GPR137B: variants seen among roughly 807,000 people sequenced by gnomAD.
The protein encoded by GPR137B is G protein-coupled receptor 137B.
GPR137B carries 42 observed loss-of-function variants against 42.5 expected under a neutral mutation model. That is an observed-to-expected ratio of 0.99 (90% CI 0.77 to 1.28). The LOEUF is 1.28. Among genes scored for constraint, GPR137B ranks in the 50% most tolerant of loss-of-function variants. GPR137B has a pLI of 0.00. For synonymous variants in GPR137B, 218 were observed against 209.7 expected, an observed-to-expected ratio of 1.04 and a Z score of -0.34; for missense variants, 487 against 493.9, an observed-to-expected ratio of 0.99 and a Z score of 0.13.
intron 6 of GPR137B, chr1:236,207,178 G>C (rs1225195600): frequency 2.0e-6 from 2 of 985,086 alleles, no homozygotes; most frequent in South Asian, 4.7e-5. Context: ...TGCTTTCTCA[G>C]TGATCGGGGA....
chr1:236,197,873 G>A (rs557818206), intron 5 of GPR137B, among the ~76,000 whole-genome samples: 8 of 151,832 alleles, frequency 5.3e-5, no homozygotes, highest in South Asian at 2.1e-4. Flanking sequence ...GGCATCTACC[G>A]CCATGCGCAG....
chr1:236,204,362 A>C (rs938571204), intron 5 of GPR137B, among the ~76,000 whole-genome samples: 1 of 152,166 alleles, frequency 6.6e-6, no homozygotes, highest in East Asian at 1.9e-4. Flanking sequence ...ATTGGCCTAC[A>C]GTTTTATGTG....
At chr1:236,206,392 A>G (rs537405686) in intron 6 of GPR137B, among the ~76,000 whole-genome samples, 1 of 152,310 alleles carries the variant, frequency 6.6e-6, no homozygotes, top group Non-Finnish European at 1.5e-5. Context: ...TTTGTATATA[A>G]GTACCCTGTC....
chr1:236,177,589 C>T (rs2102909599), intron 2 of GPR137B, among the ~76,000 whole-genome samples: 1 of 151,894 alleles, frequency 6.6e-6, no homozygotes, highest in African/African-American at 2.4e-5. Context: ...TTGAGCCTCG[C>T]TCTGTGCCCC....
intron 5 of GPR137B, among the ~76,000 whole-genome samples, chr1:236,201,245 T>C (rs112583473): frequency 6.6e-5 from 10 of 152,180 alleles, no homozygotes; most frequent in African/African-American, 2.4e-4. Flanking sequence ...TGACTTTAGA[T>C]AACCTGACTG....
At chr1:236,154,890 G>A (rs1027929572) in intron 1 of GPR137B, among the ~76,000 whole-genome samples, 3 of 152,224 alleles carry the variant, frequency 2.0e-5, no homozygotes, top group Non-Finnish European at 4.4e-5. Context: ...CGGGAGAAAT[G>A]CATCCTCTGT....
chr1:236,145,221 C>T (rs1417141419), intron 1 of GPR137B, among the ~76,000 whole-genome samples: 4 of 152,156 alleles, frequency 2.6e-5, no homozygotes, highest in African/African-American at 7.2e-5. Context: ...AGCCTTTTGT[C>T]GCCAACCCAG....
rs560514771 is a variant in GPR137B, at chr1:236,146,934, T to C, written c.414+3898T>C. 2.6e-5 allele frequency among the ~76,000 whole-genome samples: 4 copies of C among 152,114 alleles called. No individual in the cohort carries two copies. In the East Asian group the frequency reaches 7.7e-4, roughly 29 times the overall value. ...AGCAGTTCTCCTGCCTCGGCCTCCT[T>C]AGTAGCTGAGATTACAGGTGTGCGC... On this transcript the variant is annotated intron_variant, in intron 1 of 6. Transcript: ENST00000366592.
chr1:236,190,792 A>ATCTGACGATTATGTG (rs535815228), intron 5 of GPR137B, among the ~76,000 whole-genome samples: 1 of 152,120 alleles, frequency 6.6e-6, no homozygotes, highest in Admixed American at 6.6e-5. Context: ...ACCTAGGTGA[A>ATCTGACGATTATGTG]TCTGACGATT....
rs1239210296 is a variant in GPR137B, at chr1:236,156,744, A to G, written c.415-11962A>G. ...TCAGCATGTGGGAACAGACTGAAGC[A>G]GCTGACTAATGACTGTTGCCTGGGG... On this transcript the variant is annotated intron_variant, in intron 1 of 6. Coordinates refer to ENST00000366592, the MANE Select transcript of GPR137B (RefSeq NM_003272.4). This position sits in a 1 kb window ranked among gnomAD's most constrained non-coding sequence, Gnocchi z 4.8. 2.0e-5 allele frequency among the ~76,000 whole-genome samples: 3 copies of G among 152,212 alleles called. No individual in the cohort carries two copies. Among genetic ancestry groups the G allele is most frequent in the Non-Finnish European group, 1.5e-5 (1 of 68,044 alleles).
chr1:236,172,720 C>T (rs994106325), intron 2 of GPR137B, among the ~76,000 whole-genome samples: 5 of 150,704 alleles, frequency 3.3e-5, no homozygotes, highest in Non-Finnish European at 7.4e-5. Flanking sequence ...AAGGTCTCAC[C>T]CAGGCTGGAG....
At chr1:236,181,670 T>C (rs546598918) in intron 4 of GPR137B, among the ~76,000 whole-genome samples, 1 of 152,124 alleles carries the variant, frequency 6.6e-6, no homozygotes, top group Non-Finnish European at 1.5e-5. Context: ...CAAGGTAAAA[T>C]TGTGTTGTAA....
At chr1:236,185,673 A>T (rs1378439453) in intron 5 of GPR137B, among the ~76,000 whole-genome samples, 5 of 152,144 alleles carry the variant, frequency 3.3e-5, no homozygotes, top group African/African-American at 4.8e-5. Flanking sequence ...CTCTTGCCTT[A>T]GTCTTGCATG....
chr1:236,202,839 T>C (rs1408450069), intron 5 of GPR137B, among the ~76,000 whole-genome samples: 2 of 152,226 alleles, frequency 1.3e-5, no homozygotes, highest in Non-Finnish European at 2.9e-5. Context: ...TTTCACAGTT[T>C]GAGGTCTTAG....
intron 1 of GPR137B, among the ~76,000 whole-genome samples, chr1:236,165,263 G>A (rs1179726586): frequency 6.6e-6 from 1 of 152,218 alleles, no homozygotes; most frequent in Non-Finnish European, 1.5e-5. Context: ...TCAAAACCAT[G>A]GTCAAGGCTT....
chr1:236,184,344 A>G (rs890526818), intron 5 of GPR137B, among the ~76,000 whole-genome samples: 4 of 152,202 alleles, frequency 2.6e-5, no homozygotes, highest in African/African-American at 4.8e-5. Flanking sequence ...GGATAGGGCA[A>G]TAAGAGACAT....
In GPR137B at chr1:236,142,858, G is replaced by T; in HGVS notation, c.236G>T (p.Ser79Ile). ...CGCCACAAGCGGCTCAGCTACCAGA[G>T]CGTCTTCCTCTTTCTCTGCCTCTTC... ...RYRHKRLSYQ[S>I]VFLFLCLFWA... Residue 79 changes from serine to isoleucine, a missense_variant, in exon 1 of 7, where the codon AGC becomes ATC. Physicochemically the swap from Ser to Ile is moderately radical, Grantham distance 142. Coordinates refer to ENST00000366592, the MANE Select transcript of GPR137B (RefSeq NM_003272.4). The T allele has an allele frequency of 6.2e-7, 1 of 1,614,234 alleles. No individual in the cohort carries two copies.
chr1:236,192,221 C>A (rs1309329168), intron 5 of GPR137B, among the ~76,000 whole-genome samples: 1 of 152,144 alleles, frequency 6.6e-6, no homozygotes, highest in East Asian at 1.9e-4. Flanking sequence ...TCTGTGCTGG[C>A]AGCGAGGATT....
chr1:236,191,990 T>A (rs1663203379), intron 5 of GPR137B, among the ~76,000 whole-genome samples: 2 of 152,216 alleles, frequency 1.3e-5, no homozygotes, highest in South Asian at 4.1e-4. Flanking sequence ...AGTCCCTGAC[T>A]GGGGCTGCTG....
Sources: gnomAD v4.1 joint callset for allele counts (sites outside exome capture counted in the v4.1 genomes callset) on GRCh38, gnomAD v4.1.1 for gene constraint, Gnocchi (gnomAD v3.1) non-coding constraint, MANE v1.5 for transcripts, NCBI Gene and HGNC (gene_info 2026-07-23, HGNC 2026-07-21) for gene names.